Variants in CTNNA2 observed in about 807,000 individuals in gnomAD.
The protein encoded by CTNNA2 is catenin alpha 2, also known as catenin alpha-2.
CTNNA2 carries 42 observed loss-of-function variants against 101.0 expected under a neutral mutation model. The observed-to-expected ratio is 0.42, with a 90% CI of 0.32 to 0.54. CTNNA2 has a LOEUF of 0.54. CTNNA2 is among the 20% of genes least tolerant of loss of function. CTNNA2 has a pLI of 0.14. For missense variants in CTNNA2, 871 were observed against 1,223.1 expected (o/e 0.71, Z 4.29); for synonymous variants, 450 against 456.4 (o/e 0.99, Z 0.18).
chr2:79,349,194 T>C (rs1573106942), intron 3 of CTNNA2, among the ~76,000 whole-genome samples: 2 of 152,280 alleles, frequency 1.3e-5, no homozygotes, highest in Middle Eastern at 6.8e-3. Flanking sequence ...GTGGATAGGG[T>C]ATTGCAGCAT....
intron 6 of CTNNA2, among the ~76,000 whole-genome samples, chr2:79,898,412 G>T (rs1044810567): frequency 1.9e-4 from 29 of 152,090 alleles, no homozygotes; most frequent in African/African-American, 7.0e-4. Context: ...TGGGATTACA[G>T]ATGTGAGCCA....
At chr2:79,634,391 G>A (rs1261425572) in intron 1 of CTNNA2, 3 of 152,250 alleles carry the variant, frequency 2.0e-5, no homozygotes, top group Non-Finnish European at 2.9e-5. Flanking sequence ...GAATGATCCT[G>A]TACTATTTTG....
chr2:79,992,707 A>T lies in CTNNA2; in HGVS notation c.1056+82910A>T, dbSNP rs72922644. Among the ~76,000 whole-genome samples, 1,103 of 152,308 alleles carry T rather than the reference A, an allele frequency of 7.2e-3. 8 individuals are homozygous for T. The highest frequency in any genetic ancestry group is 0.025 in the African/African-American group (1,028 of 41,558). ...TAAATGTAATATTTTGCTTTATTTCAAGAAATGCTATGAGTATTGTTGTAC... is the reference window on the plus strand; with the variant it reads ...TAAATGTAATATTTTGCTTTATTTCTAGAAATGCTATGAGTATTGTTGTAC... On this transcript the variant is annotated intron_variant, in intron 7 of 18. Transcript: ENST00000402739.
At chr2:79,680,154 T>G (rs6547256) in intron 2 of CTNNA2, among the ~76,000 whole-genome samples, 33,317 of 151,904 alleles carry the variant, frequency 0.22, 4,120 homozygotes, top group Admixed American at 0.3. Context: ...ATGTTTTTGG[T>G]TTTGGTGTTG....
chr2:79,639,432 A>G (rs1573543216), intron 1 of CTNNA2, among the ~76,000 whole-genome samples: 1 of 152,220 alleles, frequency 6.6e-6, no homozygotes, highest in East Asian at 1.9e-4. Flanking sequence ...TGGCTAGAAT[A>G]TCAAAGGCTT....
chr2:79,870,807 C>G (rs559769263), intron 5 of CTNNA2, among the ~76,000 whole-genome samples: 2 of 152,090 alleles, frequency 1.3e-5, no homozygotes, highest in Admixed American at 6.6e-5. Context: ...CTCACTATCA[C>G]GAGAACAGCA....
intron 7 of CTNNA2, among the ~76,000 whole-genome samples, chr2:80,063,694 T>C (rs1277381547): frequency 6.6e-6 from 1 of 152,266 alleles, no homozygotes; most frequent in Non-Finnish European, 1.5e-5. Context: ...ATACATATCA[T>C]GACAATGTGT....
intron 1 of CTNNA2, among the ~76,000 whole-genome samples, chr2:79,570,336 G>A (rs974639187): frequency 1.3e-5 from 2 of 152,094 alleles, no homozygotes; most frequent in Admixed American, 1.3e-4. Flanking sequence ...AGTCTCAGGT[G>A]TTTAGCAGGT....
At chr2:79,912,096 C>A (rs79289223) in intron 7 of CTNNA2, among the ~76,000 whole-genome samples, 5,003 of 152,288 alleles carry the variant, frequency 0.033, 167 homozygotes, top group African/African-American at 0.078. Context: ...GATCACCTTG[C>A]AAGTTTTCAT....
chr2:80,177,219 G>A (rs1177250737), intron 7 of CTNNA2, among the ~76,000 whole-genome samples: 3 of 152,176 alleles, frequency 2.0e-5, no homozygotes, highest in Non-Finnish European at 4.4e-5. Context: ...CAGAGGCAAT[G>A]CTATGTGGAA....
At chr2:79,376,901 T>C (rs1431098738) in intron 4 of CTNNA2, among the ~76,000 whole-genome samples, 1 of 152,210 alleles carries the variant, frequency 6.6e-6, no homozygotes, top group Non-Finnish European at 1.5e-5. Flanking sequence ...GACATTTGGC[T>C]TGGTTCCAAG....
intron 7 of CTNNA2, among the ~76,000 whole-genome samples, chr2:80,116,374 GC>G (rs1433003811): frequency 2.0e-5 from 2 of 102,072 alleles, no homozygotes; most frequent in Non-Finnish European, 4.0e-5. Flanking sequence ...CCCCTAAAAA[GC>G]TAAAAAAAAA....
At chr2:79,951,118 C>T (rs1347866212) in intron 7 of CTNNA2, among the ~76,000 whole-genome samples, 1 of 152,122 alleles carries the variant, frequency 6.6e-6, no homozygotes, top group Admixed American at 6.5e-5. Context: ...TGGAAATATT[C>T]TAGCAAAAGA....
intron 3 of CTNNA2, among the ~76,000 whole-genome samples, chr2:79,759,915 TA>T (rs1672664843): frequency 6.6e-6 from 1 of 152,224 alleles, no homozygotes; most frequent in South Asian, 2.1e-4. Flanking sequence ...AGTTAAACTT[TA>T]TTCTTTTTTG....
intron 3 of CTNNA2, among the ~76,000 whole-genome samples, chr2:79,829,909 G>C (rs968496162): frequency 6.6e-6 from 1 of 151,928 alleles, no homozygotes; most frequent in African/African-American, 2.4e-5. Flanking sequence ...TTTTAGTAGA[G>C]ATGGGGTTTC....
At chr2:80,574,107 A>AT (rs1373425009) in intron 12 of CTNNA2, 56 bp from the exon 13 acceptor site, 2 of 1,558,702 alleles carry the variant, frequency 1.3e-6, no homozygotes, top group African/African-American at 1.4e-5. Flanking sequence ...AAGAGCTGGA[A>AT]TAAGAGGTAG....
intron 7 of CTNNA2, among the ~76,000 whole-genome samples, chr2:80,245,954 C>A (rs953367829): frequency 6.6e-6 from 1 of 151,624 alleles, no homozygotes; most frequent in African/African-American, 2.4e-5. Context: ...ACCACCACAC[C>A]CGGCTAATTT....
intron 3 of CTNNA2, among the ~76,000 whole-genome samples, chr2:79,821,002 A>G (rs1021085278): frequency 6.6e-6 from 1 of 152,146 alleles, no homozygotes; most frequent in Non-Finnish European, 1.5e-5. Context: ...TCAAGTTTTC[A>G]TACTACTAAT....
chr2:80,052,560 T>G (rs1280602835), intron 7 of CTNNA2, among the ~76,000 whole-genome samples: 1 of 152,240 alleles, frequency 6.6e-6, no homozygotes. Flanking sequence ...ATTTGAAAAC[T>G]TTCTATAAAA....
Sources: gnomAD v4.1 joint callset for allele counts (sites outside exome capture counted in the v4.1 genomes callset) on GRCh38, gnomAD v4.1.1 for gene constraint, MANE v1.5 for transcripts, NCBI Gene and HGNC (gene_info 2026-07-23, HGNC 2026-07-21) for gene names.